Variants in OPCML observed in about 807,000 individuals in gnomAD.
The protein encoded by OPCML is opioid-binding protein/cell adhesion molecule.
Under a neutral mutation model 37.8 loss-of-function variants are expected in OPCML, and 13 were observed. The ratio of observed to expected loss-of-function variants is 0.34; its 90% CI spans 0.22 to 0.55. The LOEUF (loss-of-function observed/expected upper bound fraction) is 0.55, where lower values mean the gene tolerates loss of function less well. OPCML is among the 20% of genes least tolerant of loss of function. OPCML has a pLI of 0.91. For synonymous variants in OPCML, 176 were observed against 168.8 expected (o/e 1.04, Z -0.33); for missense variants, 341 against 435.6 (o/e 0.78, Z 1.93).
chr11:132,627,082 A>AT (rs1051946252), intron 3 of OPCML, among the ~76,000 whole-genome samples: 2 of 152,094 alleles, frequency 1.3e-5, no homozygotes, highest in Non-Finnish European at 2.9e-5. Context: ...TTAGGAGAGT[A>AT]TTTTAGTAGC....
At chr11:132,548,888 T>G (rs2096374963) in intron 3 of OPCML, among the ~76,000 whole-genome samples, 1 of 152,318 alleles carries the variant, frequency 6.6e-6, no homozygotes, top group East Asian at 1.9e-4. Flanking sequence ...ACAGACATAT[T>G]GTAAAATATA....
chr11:132,492,072 T>G (rs189048566), intron 4 of OPCML, among the ~76,000 whole-genome samples: 6 of 151,910 alleles, frequency 3.9e-5, no homozygotes, highest in Non-Finnish European at 1.5e-5. Flanking sequence ...AGCAGGCAAC[T>G]GGTGTGGCCA....
intron 2 of OPCML, among the ~76,000 whole-genome samples, chr11:132,750,810 G>A (rs1435796511): frequency 7.1e-6 from 1 of 141,656 alleles, no homozygotes. Flanking sequence ...TTTTTTTTGA[G>A]ACAGAGTCTC....
intron 2 of OPCML, among the ~76,000 whole-genome samples, chr11:132,782,832 T>A (rs979926091): frequency 2.0e-5 from 3 of 149,692 alleles, no homozygotes; most frequent in Non-Finnish European, 4.4e-5. Context: ...ATACATTATA[T>A]CTCTATATAA....
At chr11:132,689,669 A>G (rs1462265061) in intron 2 of OPCML, among the ~76,000 whole-genome samples, 1 of 152,248 alleles carries the variant, frequency 6.6e-6, no homozygotes, top group Non-Finnish European at 1.5e-5. Context: ...ACAGAATTTG[A>G]TAACAGAGTC....
intron 1 of OPCML, among the ~76,000 whole-genome samples, chr11:133,210,135 G>T (rs970930456): frequency 5.9e-5 from 9 of 152,314 alleles, no homozygotes; most frequent in African/African-American, 2.2e-4. Flanking sequence ...GCCTCATTTG[G>T]CTGGGCTGTC....
Position 132,559,225 on chromosome 11 carries a change from G to T in OPCML, c.380-30039C>A, listed in dbSNP as rs572392726. The stretch of plus-strand genomic sequence containing the variant: ...AGGAAGGAGAACATGCAGCATTCTC[G>T]GTCTCCCACTGTCAAATCTATCTTG... On this transcript the variant is annotated intron_variant, in intron 3 of 7. Coordinates refer to ENST00000524381, the MANE Select transcript of OPCML (RefSeq NM_001012393.5). Among the ~76,000 whole-genome samples, 16 of 152,072 alleles carry T rather than the reference G, an allele frequency of 1.1e-4. No individual in the cohort carries two copies. In the South Asian group the frequency reaches 3.1e-3, roughly 30 times the overall value.
chr11:132,712,601 T>C (rs1944312308), intron 2 of OPCML, among the ~76,000 whole-genome samples: 1 of 152,236 alleles, frequency 6.6e-6, no homozygotes. Context: ...GCCGGCTGTA[T>C]TGCCAGCTCC....
At chr11:133,495,092 T>C (rs958889295) in intron 1 of OPCML, among the ~76,000 whole-genome samples, 1 of 152,146 alleles carries the variant, frequency 6.6e-6, no homozygotes, top group African/African-American at 2.4e-5. Flanking sequence ...AAGTTCATTG[T>C]ATCATTCTTA....
chr11:132,659,974 C>A (rs992378975), intron 2 of OPCML, among the ~76,000 whole-genome samples: 6 of 152,052 alleles, frequency 3.9e-5, no homozygotes, highest in Non-Finnish European at 5.9e-5. Context: ...ATTTAAATTT[C>A]TTTTATGTCC....
At chr11:133,450,272 C>T (rs1946555181) in intron 1 of OPCML, among the ~76,000 whole-genome samples, 1 of 151,680 alleles carries the variant, frequency 6.6e-6, no homozygotes, top group African/African-American at 2.4e-5. Flanking sequence ...TAGTCAAAAT[C>T]ATCCTGACTG....
chr11:132,801,499 C>T (rs1189701348), intron 2 of OPCML, among the ~76,000 whole-genome samples: 1 of 152,116 alleles, frequency 6.6e-6, no homozygotes, highest in African/African-American at 2.4e-5. Flanking sequence ...GAGATGGAAC[C>T]AATTCCAGGT....
In OPCML at chr11:132,820,508, A is replaced by ATG. The variant is rs143996955; in HGVS notation, c.146+122416_146+122417dup. Among the ~76,000 whole-genome samples, 1,284 of 150,802 alleles carry ATG rather than the reference A, an allele frequency of 8.5e-3. 13 individuals carry two copies. The highest frequency in any genetic ancestry group is 0.029 in the African/African-American group (1,205 of 41,188). On this transcript the variant is annotated intron_variant, in intron 2 of 7. Transcript: ENST00000524381. Reference sequence around the variant, plus strand: ...ACACATATATATGTGGTGTGTGTGTATGTGTGTGTGTGTGTGTATTCTGTT... The same window carrying ATG: ...ACACATATATATGTGGTGTGTGTGTATGTGTGTGTGTGTGTGTGTATTCTGTT...
chr11:133,452,318 G>C (rs1946595444), intron 1 of OPCML, among the ~76,000 whole-genome samples: 1 of 151,378 alleles, frequency 6.6e-6, no homozygotes, highest in South Asian at 2.1e-4. Flanking sequence ...AACAGTGGTA[G>C]CATTTTAATA....
chr11:133,441,535 A>C (rs908708361), intron 1 of OPCML, among the ~76,000 whole-genome samples: 1 of 152,152 alleles, frequency 6.6e-6, no homozygotes, highest in Non-Finnish European at 1.5e-5. Context: ...TGCAAACCAT[A>C]CATTTTATAA....
At chr11:132,895,803 A>AC (rs551922137) in intron 2 of OPCML, among the ~76,000 whole-genome samples, 68 of 151,334 alleles carry the variant, frequency 4.5e-4, no homozygotes, top group African/African-American at 1.2e-3. Flanking sequence ...CTCAGAATCC[A>AC]CCCCCCCTGC....
chr11:133,295,284 A>C (rs1336064511), intron 1 of OPCML, among the ~76,000 whole-genome samples: 1 of 152,222 alleles, frequency 6.6e-6, no homozygotes, highest in East Asian at 1.9e-4. Context: ...ACACTTTTCC[A>C]AGAAAATACT....
intron 1 of OPCML, among the ~76,000 whole-genome samples, chr11:133,103,272 T>C (rs1332109131): frequency 6.6e-6 from 1 of 152,204 alleles, no homozygotes; most frequent in Non-Finnish European, 1.5e-5. Context: ...ACAGAATACT[T>C]GGGAAACTTA....
intron 1 of OPCML, among the ~76,000 whole-genome samples, chr11:132,947,699 A>G (rs1206360328): frequency 6.6e-6 from 1 of 152,212 alleles, no homozygotes; most frequent in Non-Finnish European, 1.5e-5. Context: ...TTTATGTCAG[A>G]ACTTTTCTAG....
Sources: allele counts gnomAD v4.1 joint callset (sites outside exome capture counted in the v4.1 genomes callset), GRCh38; gene constraint gnomAD v4.1.1; transcripts MANE v1.5; gene names NCBI Gene and HGNC (gene_info 2026-07-23, HGNC 2026-07-21).